IMMP2L: variants seen among roughly 807,000 people sequenced by gnomAD.
IMMP2L encodes the protein inner mitochondrial membrane peptidase subunit 2, also known as mitochondrial inner membrane protease subunit 2.
Under a neutral mutation model 19.3 loss-of-function variants are expected in IMMP2L, and 18 were observed. That is an observed-to-expected ratio of 0.93 (90% CI 0.64 to 1.38). The LOEUF (loss-of-function observed/expected upper bound fraction) is 1.38. IMMP2L is among the 40% of genes most tolerant of loss of function. IMMP2L has a pLI of 0.00. For missense variants in IMMP2L, 233 were observed against 218.2 expected, an observed-to-expected ratio of 1.07 and a Z score of -0.43; for synonymous variants, 76 against 73.0, an observed-to-expected ratio of 1.04 and a Z score of -0.21.
intron 3 of IMMP2L, among the ~76,000 whole-genome samples, chr7:111,300,480 T>C (rs1201273962): frequency 6.6e-6 from 1 of 152,168 alleles, no homozygotes; most frequent in African/African-American, 2.4e-5. Context: ...CACATTGTCA[T>C]AGTAGTGACA....
intron 5 of IMMP2L, among the ~76,000 whole-genome samples, chr7:110,800,076 T>G (rs1468643556): frequency 6.6e-6 from 1 of 152,132 alleles, no homozygotes. Flanking sequence ...TTCAAAGTCA[T>G]TCTGTTCAAA....
At chr7:111,361,500 G>A (rs764285921) in intron 3 of IMMP2L, among the ~76,000 whole-genome samples, 7 of 152,094 alleles carry the variant, frequency 4.6e-5, no homozygotes, top group Non-Finnish European at 7.4e-5. Context: ...GCATAACTGA[G>A]TATTCTTAAA....
chr7:110,879,026 G>T (rs751492624), intron 5 of IMMP2L, among the ~76,000 whole-genome samples: 2 of 152,060 alleles, frequency 1.3e-5, no homozygotes, highest in Non-Finnish European at 2.9e-5. Flanking sequence ...ATTAGGGGAC[G>T]ATCTAATATT....
intron 3 of IMMP2L, among the ~76,000 whole-genome samples, chr7:111,087,913 A>G (rs959098121): frequency 5.3e-5 from 8 of 152,186 alleles, no homozygotes; most frequent in Non-Finnish European, 1.0e-4. Context: ...CGGTATACAT[A>G]TTAACTGTTT....
chr7:111,347,745 G>T lies in IMMP2L; in HGVS notation c.239+139493C>A, dbSNP rs138239694. On this transcript the variant is annotated intron_variant, in intron 3 of 5. Coordinates refer to ENST00000405709, the MANE Select transcript of IMMP2L (RefSeq NM_032549.4). ...TAGAATATATGAAAAAAACAGGAGAGAAAGGGACAAAAGAAAAGCCATTCC... is the reference window on the plus strand; with the variant it reads ...TAGAATATATGAAAAAAACAGGAGATAAAGGGACAAAAGAAAAGCCATTCC... Among the ~76,000 whole-genome samples the T allele has an allele frequency of 2.0e-5, 3 of 152,034 alleles. No homozygotes were observed. In the East Asian group the frequency reaches 5.8e-4, roughly 30 times the overall value.
intron 3 of IMMP2L, among the ~76,000 whole-genome samples, chr7:111,157,518 A>G (rs1804773205): frequency 6.6e-6 from 1 of 151,970 alleles, no homozygotes. Flanking sequence ...TGTGAGAACT[A>G]AAAAAACAAT....
At chr7:111,383,414 T>C (rs1373150007) in intron 3 of IMMP2L, among the ~76,000 whole-genome samples, 2 of 152,084 alleles carry the variant, frequency 1.3e-5, no homozygotes, top group African/African-American at 4.8e-5. Context: ...AAAGAATCTC[T>C]TGGCCTGCCC....
chr7:110,810,972 T>C (rs1801994774), intron 5 of IMMP2L, among the ~76,000 whole-genome samples: 4 of 151,938 alleles, frequency 2.6e-5, no homozygotes. Flanking sequence ...GTCAGCAACG[T>C]AGAACCCTGT....
intron 4 of IMMP2L, among the ~76,000 whole-genome samples, chr7:110,900,385 T>C (rs1025097065): frequency 9.8e-5 from 15 of 152,322 alleles, no homozygotes; most frequent in South Asian, 2.1e-4. Flanking sequence ...AATTTACTTA[T>C]ATCTGAAGAA....
rs1268428226 is a variant in IMMP2L, at chr7:110,924,860, A to T, written c.306-38165T>A. On this transcript the variant is annotated intron_variant, in intron 4 of 5. Coordinates refer to ENST00000405709, the MANE Select transcript of IMMP2L (RefSeq NM_032549.4). This position sits in a 1 kb window ranked among gnomAD's most constrained non-coding sequence, Gnocchi z 4.2. ...TTCTGGTTCATGCCTCTGCCACTAC[A>T]CTGCCTTAGAGCCTTATATTTCAAG... is the stretch of plus-strand genomic sequence containing the variant. Among the ~76,000 whole-genome samples the T allele has an allele frequency of 1.3e-5, 2 of 152,128 alleles. No individual in the cohort carries two copies. Among genetic ancestry groups the T allele is most frequent in the Non-Finnish European group, 2.9e-5 (2 of 68,018 alleles).
At chr7:111,399,289 G>A (rs1294076063) in intron 3 of IMMP2L, among the ~76,000 whole-genome samples, 2 of 152,066 alleles carry the variant, frequency 1.3e-5, no homozygotes, top group African/African-American at 4.8e-5. Context: ...TAGGCACATA[G>A]ACCAATGGAA....
intron 5 of IMMP2L, among the ~76,000 whole-genome samples, chr7:110,738,905 A>G (rs1796815433): frequency 6.6e-6 from 1 of 152,242 alleles, no homozygotes; most frequent in South Asian, 2.1e-4. Context: ...TTGAGGTCCT[A>G]TTTTAAGCCT....
intron 3 of IMMP2L, among the ~76,000 whole-genome samples, chr7:111,458,076 T>C (rs545350348): frequency 6.6e-5 from 10 of 152,270 alleles, no homozygotes; most frequent in Admixed American, 2.0e-4. Context: ...CAAAAGACTT[T>C]GATCAATTTT....
At chr7:110,676,973 G>A (rs1014435609) in intron 5 of IMMP2L, among the ~76,000 whole-genome samples, 3 of 152,116 alleles carry the variant, frequency 2.0e-5, no homozygotes, top group African/African-American at 7.2e-5. Context: ...CTACTGTGAC[G>A]TCACGCATTC....
intron 3 of IMMP2L, among the ~76,000 whole-genome samples, chr7:111,043,272 G>T (rs1009112262): frequency 1.3e-5 from 2 of 152,108 alleles, no homozygotes; most frequent in African/African-American, 2.4e-5. Context: ...GATTTAAGTG[G>T]CAAAAAATTG....
At chr7:110,914,248 T>G (rs1030096679) in intron 4 of IMMP2L, among the ~76,000 whole-genome samples, 2 of 152,174 alleles carry the variant, frequency 1.3e-5, no homozygotes, top group African/African-American at 4.8e-5. Context: ...CGTTTAAAAT[T>G]TCCATTGAAA....
intron 3 of IMMP2L, among the ~76,000 whole-genome samples, chr7:111,201,652 G>A (rs989914166): frequency 1.3e-5 from 2 of 151,650 alleles, no homozygotes; most frequent in Admixed American, 6.6e-5. Context: ...GGAGACAGGG[G>A]TTGCAGTGAG....
chr7:111,331,935 CA>C (rs1239221846), intron 3 of IMMP2L, among the ~76,000 whole-genome samples: 2 of 151,142 alleles, frequency 1.3e-5, no homozygotes, highest in Non-Finnish European at 3.0e-5. Flanking sequence ...GAAAGTTAAG[CA>C]AAAAAACTAA....
intron 4 of IMMP2L, among the ~76,000 whole-genome samples, chr7:110,918,923 C>G (rs966581081): frequency 2.6e-5 from 4 of 152,158 alleles, no homozygotes; most frequent in African/African-American, 9.7e-5. Context: ...TTCACAACTA[C>G]TCTACATGCC....
Sources: gnomAD v4.1 joint callset for allele counts (sites outside exome capture counted in the v4.1 genomes callset) on GRCh38, gnomAD v4.1.1 for gene constraint, Gnocchi (gnomAD v3.1) non-coding constraint, MANE v1.5 for transcripts, NCBI Gene and HGNC (gene_info 2026-07-23, HGNC 2026-07-21) for gene names.